Variants in RIOK3 observed in about 807,000 individuals in gnomAD.
RIOK3 encodes serine/threonine-protein kinase RIO3.
In RIOK3, 40 loss-of-function variants were observed where a neutral mutation model predicts 63.5. The ratio of observed to expected loss-of-function variants is 0.63; its 90% CI spans 0.49 to 0.82. The LOEUF (loss-of-function observed/expected upper bound fraction) is 0.82. Ranked by LOEUF, RIOK3 falls within the 40% of genes least tolerant of loss-of-function variation. RIOK3 has a pLI of 0.00. For synonymous variants in RIOK3, 193 were observed against 205.0 expected (o/e 0.94, Z 0.50); for missense variants, 557 against 637.0 (o/e 0.87, Z 1.35).
chr18:23,469,328 T>C (rs56992764), intron 7 of RIOK3, among the ~76,000 whole-genome samples: 102 of 27,674 alleles, frequency 3.7e-3, no homozygotes, highest in East Asian at 0.025. Context: ...TCTCTCTCTC[T>C]CTCTCTCTCC....
At chr18:23,457,593 C>T (rs566578071) in intron 1 of RIOK3, among the ~76,000 whole-genome samples, 74 of 152,142 alleles carry the variant, frequency 4.9e-4, no homozygotes, top group Non-Finnish European at 7.6e-4. Context: ...GATAAACTAC[C>T]GAGTGTAGTA....
chr18:23,470,486 T>C (rs1227390294), intron 7 of RIOK3, among the ~76,000 whole-genome samples: 2 of 152,208 alleles, frequency 1.3e-5, no homozygotes, highest in Non-Finnish European at 2.9e-5. Context: ...TAGATGCTTG[T>C]GGATACTTAT....
At chr18:23,455,861 G>A (rs1179436549) in intron 1 of RIOK3, among the ~76,000 whole-genome samples, 1 of 151,890 alleles carries the variant, frequency 6.6e-6, no homozygotes, top group Admixed American at 6.6e-5. Flanking sequence ...GCAGTGGCAT[G>A]ATCTCAGCTC....
Position 23,464,613 on chromosome 18 carries a change from A to G in RIOK3, c.528A>G (p.Thr176=). 1.3e-6 allele frequency: 2 copies of G among 1,579,902 alleles called. No individual in the cohort carries two copies. The highest frequency in any genetic ancestry group is 1.7e-6 in the Non-Finnish European group (2 of 1,164,186). ...HDEVVCGRKN[T]ARMENFAPEF... ...AAGTAGTATGTGGGAGAAAGAACACAGCAAGAATGGAAAATGTAAGTTACA... is the reference window on the plus strand; with the variant it reads ...AAGTAGTATGTGGGAGAAAGAACACGGCAAGAATGGAAAATGTAAGTTACA... The change falls in exon 5 of 13, where the codon ACA becomes ACG. Residue 176 remains threonine, a synonymous_variant. Transcript: ENST00000339486.
chr18:23,466,083 T>C (rs755742234), intron 5 of RIOK3, 50 bp from the exon 6 acceptor site: 15 of 1,468,158 alleles, frequency 1.0e-5, no homozygotes, highest in South Asian at 1.4e-5. Context: ...TTTTTGTTTT[T>C]AACTGTCCCT....
chr18:23,467,785 TTA>T (rs1294484603), intron 7 of RIOK3, among the ~76,000 whole-genome samples: 1 of 151,944 alleles, frequency 6.6e-6, no homozygotes, highest in East Asian at 1.9e-4. Flanking sequence ...ATTATTATTA[TTA>T]TTTTTTGAGA....
chr18:23,471,036 A>G (rs1027576655), intron 7 of RIOK3, among the ~76,000 whole-genome samples: 1 of 152,238 alleles, frequency 6.6e-6, no homozygotes, highest in Non-Finnish European at 1.5e-5. Context: ...GTCAAGTACC[A>G]GGTACTCTTC....
intron 11 of RIOK3, among the ~76,000 whole-genome samples, chr18:23,478,617 A>G (rs1176675640): frequency 0.37 from 2,347 of 6,372 alleles, 181 homozygotes; most frequent in Middle Eastern, 0.5. Flanking sequence ...ATATATATAT[A>G]TATATATATA....
intron 1 of RIOK3, among the ~76,000 whole-genome samples, chr18:23,457,529 A>G (rs1248290708): frequency 6.6e-6 from 1 of 152,208 alleles, no homozygotes; most frequent in Non-Finnish European, 1.5e-5. Flanking sequence ...TTATGTATCA[A>G]TATTGGTTCG....
rs2057538890 is a variant in RIOK3 at position 23,482,098 on chromosome 18, T to C, written c.*819T>C. 6.6e-6 allele frequency: 1 copy of C among 152,248 alleles called. No individual in the cohort carries two copies. Among genetic ancestry groups the C allele is most frequent in the Admixed American group, 6.5e-5 (1 of 15,274 alleles). The allele number at this position is 152,248 out of a possible 1,614,324, so 9.4% of individuals were successfully genotyped here. A position where few individuals can be genotyped will look rare whatever the true frequency, so the allele number is the denominator to read the frequency against. ...AGATTTAACCATGTTTGACGTATTT[T>C]AATTTAGTTAATGAAGCAAAATTCA... On this transcript the variant is annotated 3_prime_UTR_variant, in exon 13 of 13. Transcript: ENST00000339486.
chr18:23,468,110 A>T (rs190257132), intron 7 of RIOK3, among the ~76,000 whole-genome samples: 54 of 151,960 alleles, frequency 3.6e-4, no homozygotes, highest in African/African-American at 1.3e-3. Context: ...AGTATTATCA[A>T]ATCTAATGCT....
intron 7 of RIOK3, among the ~76,000 whole-genome samples, chr18:23,469,035 G>A (rs1031148480): frequency 1.1e-4 from 17 of 152,224 alleles, no homozygotes; most frequent in African/African-American, 3.4e-4. Flanking sequence ...GGCCCCTGCA[G>A]TTCCTTGCCA....
chr18:23,455,122 A>G (rs2057330250), intron 1 of RIOK3, among the ~76,000 whole-genome samples: 1 of 150,942 alleles, frequency 6.6e-6, no homozygotes, highest in South Asian at 2.1e-4. Flanking sequence ...CCCAGGCTGG[A>G]GTACAGTGGT....
intron 7 of RIOK3, among the ~76,000 whole-genome samples, chr18:23,471,177 G>A (rs1426510033): frequency 2.0e-5 from 3 of 149,418 alleles, no homozygotes; most frequent in African/African-American, 7.7e-5. Context: ...TATGCAGATA[G>A]TTAAAATAGG....
chr18:23,453,643 G>A, intron 1 of RIOK3, 141 bp downstream of exon 1: 1 of 736,120 alleles, frequency 1.4e-6, no homozygotes, highest in Non-Finnish European at 2.4e-6. Flanking sequence ...GGCACTGGCC[G>A]CGGGGGTGCC....
rs749119170 is a variant in RIOK3 at position 23,481,209 on chromosome 18, A to G, written c.1490A>G (p.Gln497Arg). 6.2e-7 allele frequency: 1 copy of G among 1,612,690 alleles called. No homozygotes were observed. Among genetic ancestry groups the G allele is most frequent in the Non-Finnish European group, 8.5e-7 (1 of 1,179,298 alleles). ...GAGAAAATGAATGAAGATCACGTTC[A>G]GAAGAATGGAAGGAAAGCTGCTTCA... ...ALEKMNEDHV[Q>R]KNGRKAASFL... is the part of the protein sequence containing the mutation. Residue 497 changes from glutamine (Q) to arginine (R), a missense_variant, in exon 13 of 13, where the codon CAG (glutamine) becomes CGG (arginine). Physicochemically the swap from Gln to Arg is conservative, Grantham distance 43. Coordinates refer to ENST00000339486, the MANE Select transcript of RIOK3 (RefSeq NM_003831.5).
Position 23,472,731 on chromosome 18 carries a change from C to G in RIOK3, c.816-698C>G, listed in dbSNP as rs578119952. ...TCTAGGAATTTGTCCAGGCTCTTCA[C>G]AGATGTGCCTCTGTCCTGTCCTTTA... On this transcript the variant is annotated intron_variant, in intron 7 of 12. Coordinates refer to ENST00000339486, the MANE Select transcript of RIOK3 (RefSeq NM_003831.5). Among the ~76,000 whole-genome samples the G allele has an allele frequency of 1.0e-3, 153 of 152,366 alleles. 1 individual carries two copies. Among genetic ancestry groups the G allele is most frequent in the Non-Finnish European group, 2.0e-3 (135 of 68,030 alleles).
intron 1 of RIOK3, among the ~76,000 whole-genome samples, chr18:23,454,983 T>A (rs1362082899): frequency 1.3e-5 from 2 of 152,224 alleles, no homozygotes; most frequent in African/African-American, 4.8e-5. Flanking sequence ...AACTTTTTAG[T>A]CAGGACTTCT....
chr18:23,455,577 G>A (rs1451989541), intron 1 of RIOK3, among the ~76,000 whole-genome samples: 1 of 151,706 alleles, frequency 6.6e-6, no homozygotes, highest in Non-Finnish European at 1.5e-5. Context: ...ATTTTTAGTA[G>A]AGGCGGGGTT....
Sources: gnomAD v4.1 joint callset for allele counts (sites outside exome capture counted in the v4.1 genomes callset) on GRCh38, gnomAD v4.1.1 for gene constraint, MANE v1.5 for transcripts, NCBI Gene and HGNC (gene_info 2026-07-23, HGNC 2026-07-21) for gene names.